BST1: variants seen among roughly 807,000 people sequenced by gnomAD.
BST1 encodes bone marrow stromal cell antigen 1.
A neutral mutation model predicts 40.6 loss-of-function variants in BST1; 49 were observed. The ratio of observed to expected loss-of-function variants is 1.21; its 90% CI spans 0.96 to 1.53. The LOEUF is 1.53. BST1 is among the 40% of genes most tolerant of loss of function. The pLI, the probability that BST1 is intolerant of heterozygous loss-of-function variation, is 0.00. For synonymous variants in BST1, 157 were observed against 159.3 expected (o/e 0.99, Z 0.11); for missense variants, 423 against 395.9 (o/e 1.07, Z -0.58).
At chr4:15,768,614 C>T in the BST1 span, among the ~76,000 whole-genome samples, 2 of 151,862 alleles carry the variant, frequency 1.3e-5, no homozygotes, top group African/African-American at 4.8e-5. Flanking sequence ...CTGCCTCAGC[C>T]TCCCGAGTAG....
chr4:15,726,234 C>T (rs1454642179), intron 8 of BST1, among the ~76,000 whole-genome samples: 1 of 149,216 alleles, frequency 6.7e-6, no homozygotes, highest in African/African-American at 2.5e-5. Context: ...AACATGAGCT[C>T]CAGGAGGTCA....
Position 15,732,382 on chromosome 4 carries a change from A to T in BST1, c.*537A>T, listed in dbSNP as rs145491938. The T allele has an allele frequency of 4.0e-4, 62 of 153,374 alleles. No individual in the cohort carries two copies. The highest frequency in any genetic ancestry group is 9.2e-4 in the Admixed American group (14 of 15,280). 9.5% of individuals were successfully genotyped at this position (153,374 alleles called of 1,614,324 possible). On this transcript the variant is annotated 3_prime_UTR_variant, in exon 9 of 9. Transcript: ENST00000265016. Reference sequence around the variant, plus strand: ...GCCCAGGCTGGAGTGAGGTGGGGAGATCTCAGCTCACTGCAACCTCTGCTT... The same window carrying T: ...GCCCAGGCTGGAGTGAGGTGGGGAGTTCTCAGCTCACTGCAACCTCTGCTT...
intron 3 of BST1, among the ~76,000 whole-genome samples, chr4:15,707,937 A>G (rs1719989555): frequency 6.6e-6 from 1 of 150,988 alleles, no homozygotes; most frequent in South Asian, 2.1e-4. Flanking sequence ...ATACACACAT[A>G]CTCATTTGAT....
downstream of BST1, among the ~76,000 whole-genome samples, chr4:15,737,466 A>G (rs562917318): frequency 1.1e-4 from 17 of 152,318 alleles, no homozygotes; most frequent in South Asian, 3.3e-3. Flanking sequence ...TCTGGGCAGC[A>G]AGGGGGCAGC....
the BST1 span, among the ~76,000 whole-genome samples, chr4:15,759,441 G>A: frequency 6.6e-6 from 1 of 151,886 alleles, no homozygotes; most frequent in Non-Finnish European, 1.5e-5. Flanking sequence ...ACCCCAGTAT[G>A]GTGTTTGGCA....
At chr4:15,758,296 C>T in the BST1 span, among the ~76,000 whole-genome samples, 21 of 152,248 alleles carry the variant, frequency 1.4e-4, no homozygotes, top group African/African-American at 4.3e-4. Context: ...CCTCCCCTTC[C>T]GCCCTGTCTC....
chr4:15,717,269 CT>C (rs757774465), intron 6 of BST1, among the ~76,000 whole-genome samples: 10 of 152,156 alleles, frequency 6.6e-5, no homozygotes, highest in Non-Finnish European at 1.3e-4. Context: ...CCTATAATGC[CT>C]GGAATTCCAC....
At chr4:15,703,458 T>G (rs1309569124) in intron 1 of BST1, 126 bp downstream of exon 1, 17 of 1,303,564 alleles carry the variant, frequency 1.3e-5, no homozygotes, top group Admixed American at 1.1e-4. Context: ...AGGGGAGAGG[T>G]GAGTGTGGAG....
chr4:15,737,728 G>C, downstream of BST1: 1 of 1,212,324 alleles, frequency 8.2e-7, no homozygotes, highest in South Asian at 1.3e-5. Flanking sequence ...CCTTACACTT[G>C]GCTGTATTCC....
chr4:15,756,693 C>A, the BST1 span, among the ~76,000 whole-genome samples: 2 of 152,138 alleles, frequency 1.3e-5, no homozygotes, highest in African/African-American at 2.4e-5. Context: ...AGGTATGTTG[C>A]GCTGTGGAGA....
the BST1 span, among the ~76,000 whole-genome samples, chr4:15,763,329 G>A: frequency 6.6e-6 from 1 of 151,624 alleles, no homozygotes; most frequent in African/African-American, 2.4e-5. Flanking sequence ...CATATAATGT[G>A]GAGTTAAAAT....
chr4:15,725,065 A>G (rs1045380031), intron 8 of BST1, among the ~76,000 whole-genome samples: 1 of 152,192 alleles, frequency 6.6e-6, no homozygotes, highest in African/African-American at 2.4e-5. Context: ...CTGAAGAGTT[A>G]CTGAGAGAGA....
At chr4:15,771,906 C>G in the BST1 span, among the ~76,000 whole-genome samples, 77 of 152,150 alleles carry the variant, frequency 5.1e-4, no homozygotes, top group Non-Finnish European at 1.0e-3. Flanking sequence ...GGTAAGCAAC[C>G]TGTGCTGGTG....
rs746880790 is a variant in BST1 at position 15,722,959 on chromosome 4, C to T, written c.851+25C>T. ...CGTAAGTAAATGTCTTAACCCAAATCGTTCTTTCCAAAGATAACCATCTCC... is the reference window on the plus strand; with the variant it reads ...CGTAAGTAAATGTCTTAACCCAAATTGTTCTTTCCAAAGATAACCATCTCC... On this transcript the variant is annotated intron_variant, in intron 8 of 8. Transcript: ENST00000265016. 13 of 1,607,062 alleles carry T rather than the reference C, an allele frequency of 8.1e-6. No homozygotes were observed. The Admixed American group carries it at 1.2e-4, about 14-fold the overall frequency.
chr4:15,759,010 A>G, the BST1 span, among the ~76,000 whole-genome samples: 8 of 150,610 alleles, frequency 5.3e-5, no homozygotes, highest in Non-Finnish European at 1.2e-4. Flanking sequence ...GCTTGGAATC[A>G]GGTGGACAGG....
At chr4:15,755,203 A>G in the BST1 span, among the ~76,000 whole-genome samples, 1 of 152,086 alleles carries the variant, frequency 6.6e-6, no homozygotes, top group Non-Finnish European at 1.5e-5. Flanking sequence ...CAGTAGTGCA[A>G]TCTCAGCTCA....
chr4:15,705,574 G>A lies in BST1; in HGVS notation c.248G>A (p.Cys83Tyr). 3 of 1,613,082 alleles carry A rather than the reference G, an allele frequency of 1.9e-6. No individual in the cohort carries two copies. Among genetic ancestry groups the A allele is most frequent in the Non-Finnish European group, 2.5e-6 (3 of 1,179,426 alleles). Reference sequence around the variant, plus strand: ...AAAGTGGCGCTGGACAAGGATCCCTGCTCCGTGCTGCCCTCAGACTATGAC... The same window carrying A: ...AAAGTGGCGCTGGACAAGGATCCCTACTCCGTGCTGCCCTCAGACTATGAC... Reference protein sequence around the residue: ...AFKVALDKDPCSVLPSDYDLF... With the variant: ...AFKVALDKDPYSVLPSDYDLF... The change falls in exon 2 of 9, where the codon TGC becomes TAC. Residue 83 changes from cysteine to tyrosine, a missense_variant. Transcript: ENST00000265016.
the BST1 span, among the ~76,000 whole-genome samples, chr4:15,758,346 T>C: frequency 6.6e-6 from 1 of 152,176 alleles, no homozygotes; most frequent in African/African-American, 2.4e-5. Context: ...CATCTTTATG[T>C]CCATGTGCAC....
downstream of BST1, among the ~76,000 whole-genome samples, chr4:15,739,694 T>C (rs575652980): frequency 3.4e-4 from 51 of 152,116 alleles, no homozygotes; most frequent in African/African-American, 9.4e-4. Flanking sequence ...AACTCTAAGA[T>C]GGTGCTTGTA....
Sources: gnomAD v4.1 joint callset for allele counts (sites outside exome capture counted in the v4.1 genomes callset) on GRCh38, gnomAD v4.1.1 for gene constraint, MANE v1.5 for transcripts, NCBI Gene and HGNC (gene_info 2026-07-23, HGNC 2026-07-21) for gene names.